UVRAG: variants seen among roughly 807,000 people sequenced by gnomAD.
The protein encoded by UVRAG is UV radiation resistance-associated gene protein.
UVRAG carries 19 observed loss-of-function variants against 78.0 expected under a neutral mutation model. The observed-to-expected ratio is 0.24, with a 90% CI of 0.17 to 0.36. The LOEUF (loss-of-function observed/expected upper bound fraction) is 0.36, where lower values mean the gene tolerates loss of function less well. Among genes scored for constraint, UVRAG ranks in the 10% least tolerant of loss-of-function variants. UVRAG has a pLI of 1.00. For missense variants in UVRAG, 740 were observed against 853.8 expected (o/e 0.87, Z 1.66); for synonymous variants, 323 against 324.6 (o/e 1.00, Z 0.05).
chr11:75,886,852 AT>A (rs111413713), intron 4 of UVRAG, among the ~76,000 whole-genome samples: 603 of 144,008 alleles, frequency 4.2e-3, no homozygotes, highest in Middle Eastern at 0.01. Flanking sequence ...CGGCAGAAGA[AT>A]TTTTTTTTTT....
At chr11:76,006,276 T>C (rs1371581001) in intron 9 of UVRAG, among the ~76,000 whole-genome samples, 3 of 152,158 alleles carry the variant, frequency 2.0e-5, no homozygotes, top group Non-Finnish European at 4.4e-5. Context: ...TCTCCTAAAT[T>C]CCTTTTGTTC....
At chr11:75,966,168 T>G (rs1454750473) in intron 7 of UVRAG, among the ~76,000 whole-genome samples, 1 of 152,162 alleles carries the variant, frequency 6.6e-6, no homozygotes, top group East Asian at 1.9e-4. Flanking sequence ...TTGGTTTATT[T>G]TCAAATGTTT....
chr11:75,967,282 A>G (rs1949041247), intron 7 of UVRAG, among the ~76,000 whole-genome samples: 1 of 152,090 alleles, frequency 6.6e-6, no homozygotes, highest in African/African-American at 2.4e-5. Context: ...ATTATTATAT[A>G]TTTTTGCTGT....
intron 13 of UVRAG, among the ~76,000 whole-genome samples, chr11:76,102,558 A>G (rs984569705): frequency 6.6e-6 from 1 of 152,084 alleles, no homozygotes. Flanking sequence ...GATGCCCTTT[A>G]TTTATTTCTC....
chr11:75,888,021 AAG>A (rs1260343413), intron 4 of UVRAG, among the ~76,000 whole-genome samples: 10 of 152,228 alleles, frequency 6.6e-5, no homozygotes, highest in African/African-American at 2.4e-4. Flanking sequence ...ACAGTAATAA[AAG>A]AGAGTGGTTT....
intron 5 of UVRAG, 37 bp from the exon 6 acceptor site, chr11:75,911,917 T>C: frequency 1.5e-6 from 2 of 1,355,778 alleles, no homozygotes; most frequent in Non-Finnish European, 2.1e-6. Context: ...TTTTATTTTG[T>C]TTGGTTTTGA....
At position 75,961,560 on chromosome 11, in the gene UVRAG, A is replaced by G. The variant is rs1232465248; in HGVS notation, c.699+11A>G. ...ACAAGCAATGAACTGGTAGGTTTTT[A>G]TGTATTTACCTGTTTACACTTCTTG... On this transcript the variant is annotated intron_variant, in intron 7 of 14. Coordinates refer to ENST00000356136, the MANE Select transcript of UVRAG (RefSeq NM_003369.4). 1.3e-6 allele frequency: 2 copies of G among 1,578,296 alleles called. No homozygotes were observed. The highest frequency in any genetic ancestry group is 1.2e-5 in the South Asian group (1 of 85,550).
intron 14 of UVRAG, among the ~76,000 whole-genome samples, chr11:76,116,585 G>A (rs191949804): frequency 1.1e-4 from 16 of 152,346 alleles, no homozygotes; most frequent in African/African-American, 2.9e-4. Flanking sequence ...AAGAGAAGGA[G>A]AGAGGGGAAG....
intron 14 of UVRAG, among the ~76,000 whole-genome samples, chr11:76,126,189 C>T (rs949926184): frequency 5.9e-5 from 9 of 152,192 alleles, no homozygotes; most frequent in East Asian, 1.9e-4. Context: ...GATCCACCTG[C>T]CTCGGCCTCC....
chr11:75,961,427 A>C lies in UVRAG; in HGVS notation c.594-17A>C. ...ACTGTTAACTCATTTACATTTTTCT[A>C]TAACTTATATTTCTAGGCTTCATAG... On this transcript the variant is annotated splice_polypyrimidine_tract_variant and intron_variant, in intron 6 of 14. Coordinates refer to ENST00000356136, the MANE Select transcript of UVRAG (RefSeq NM_003369.4). 1 of 1,572,686 alleles carries C rather than the reference A, an allele frequency of 6.4e-7. No individual in the cohort carries two copies. The highest frequency in any genetic ancestry group is 8.6e-7 in the Non-Finnish European group (1 of 1,166,264).
rs562392359 is a variant in UVRAG, at chr11:75,852,011, C to T, written c.235+11C>T. The stretch of plus-strand genomic sequence containing the variant: ...AAAAGATATATAAAGGTAAGGGGAT[C>T]TGTGGCCTTACTACCCACAGATTGT... On this transcript the variant is annotated intron_variant, in intron 2 of 14. Coordinates refer to ENST00000356136, the MANE Select transcript of UVRAG (RefSeq NM_003369.4). The T allele has an allele frequency of 6.5e-7, 1 of 1,534,006 alleles. No individual in the cohort carries two copies. Among genetic ancestry groups the T allele is most frequent in the Non-Finnish European group, 8.9e-7 (1 of 1,122,986 alleles).
intron 7 of UVRAG, among the ~76,000 whole-genome samples, chr11:75,974,428 G>A (rs1370530813): frequency 2.1e-5 from 3 of 143,234 alleles, no homozygotes; most frequent in African/African-American, 5.2e-5. Flanking sequence ...CTGCAGTGGC[G>A]CAATCTCGGC....
At chr11:76,111,006 A>T (rs922834802) in intron 13 of UVRAG, among the ~76,000 whole-genome samples, 1 of 151,658 alleles carries the variant, frequency 6.6e-6, no homozygotes, top group African/African-American at 2.4e-5. Context: ...GGCGCACACC[A>T]CCACACCTGG....
chr11:75,847,705 C>T (rs7948526), intron 1 of UVRAG, among the ~76,000 whole-genome samples: 1 of 152,174 alleles, frequency 6.6e-6, no homozygotes, highest in African/African-American at 2.4e-5. Context: ...GGCACGGTGG[C>T]TCACGCCTGT....
At chr11:76,002,982 C>T (rs761306531) in intron 8 of UVRAG, among the ~76,000 whole-genome samples, 1 of 151,898 alleles carries the variant, frequency 6.6e-6, no homozygotes, top group Non-Finnish European at 1.5e-5. Flanking sequence ...GAGGCTGAGG[C>T]AGGAGGATCA....
intron 8 of UVRAG, among the ~76,000 whole-genome samples, chr11:75,986,288 A>T (rs147428839): frequency 6.6e-6 from 1 of 152,054 alleles, no homozygotes; most frequent in African/African-American, 2.4e-5. Context: ...ATTTATTTCT[A>T]TTTTTTGTTG....
intron 14 of UVRAG, among the ~76,000 whole-genome samples, chr11:76,134,907 C>T (rs778197777): frequency 2.6e-5 from 4 of 152,136 alleles, no homozygotes; most frequent in Admixed American, 6.5e-5. Context: ...TGTTAAGAAC[C>T]GGGCCGCACA....
Position 75,953,251 on chromosome 11 carries a change from C to T in UVRAG, c.594-8193C>T, listed in dbSNP as rs12288817. On this transcript the variant is annotated intron_variant, in intron 6 of 14. Coordinates refer to ENST00000356136, the MANE Select transcript of UVRAG (RefSeq NM_003369.4). ...GACTGTTGGAATAACCTCACACTAACCTTCCTGTTTGCAGTCTCTTTTCTC... is the reference window on the plus strand; with the variant it reads ...GACTGTTGGAATAACCTCACACTAATCTTCCTGTTTGCAGTCTCTTTTCTC... Among the ~76,000 whole-genome samples the T allele has an allele frequency of 6.4e-3, 969 of 152,260 alleles. 9 individuals are homozygous for T. The highest frequency in any genetic ancestry group is 0.022 in the African/African-American group (925 of 41,550).
At chr11:76,098,270 A>G (rs1951822177) in intron 13 of UVRAG, among the ~76,000 whole-genome samples, 1 of 152,168 alleles carries the variant, frequency 6.6e-6, no homozygotes, top group East Asian at 1.9e-4. Context: ...GATAACTAAC[A>G]TTTGTAAGAT....
Sources: gnomAD v4.1 joint callset for allele counts (sites outside exome capture counted in the v4.1 genomes callset) on GRCh38, gnomAD v4.1.1 for gene constraint, MANE v1.5 for transcripts, NCBI Gene and HGNC (gene_info 2026-07-23, HGNC 2026-07-21) for gene names.